The following GOLGA4 variants were observed in gnomAD, a reference collection of about 807,000 sequenced individuals.
GOLGA4 encodes the protein golgin A4.
A neutral mutation model predicts 265.9 loss-of-function variants in GOLGA4; 169 were observed. That is an observed-to-expected ratio of 0.64 (90% CI 0.56 to 0.72). The LOEUF is 0.72. Ranked by LOEUF, GOLGA4 falls within the 30% of genes least tolerant of loss-of-function variation. GOLGA4 has a pLI of 0.00. For synonymous variants in GOLGA4, 923 were observed against 855.8 expected (o/e 1.08, Z -1.37); for missense variants, 2,482 against 2,483.4 (o/e 1.00, Z 0.01).
At chr3:37,349,860 C>T (rs896471650) in intron 21 of GOLGA4, among the ~76,000 whole-genome samples, 11 of 152,134 alleles carry the variant, frequency 7.2e-5, no homozygotes, top group African/African-American at 2.7e-4. Context: ...TGCTTTTGTA[C>T]ACAGTGTTCT....
At chr3:37,266,082 G>C (rs1250985046) in intron 2 of GOLGA4, among the ~76,000 whole-genome samples, 1 of 151,618 alleles carries the variant, frequency 6.6e-6, no homozygotes, top group African/African-American at 2.4e-5. Flanking sequence ...GTTAACTGTA[G>C]GCACTATGCT....
intron 23 of GOLGA4, among the ~76,000 whole-genome samples, chr3:37,362,229 ATTTATTTATTATTT>A (rs1696343556): frequency 2.2e-5 from 1 of 46,384 alleles, no homozygotes; most frequent in Non-Finnish European, 8.6e-5. Flanking sequence ...TTATTTATTT[ATTTATTTATTATTT>A]TTTTTTTTTT....
chr3:37,300,884 T>A (rs192674629), intron 9 of GOLGA4, among the ~76,000 whole-genome samples: 1 of 152,314 alleles, frequency 6.6e-6, no homozygotes, highest in Non-Finnish European at 1.5e-5. Flanking sequence ...GTTTTTTCAT[T>A]GCAATTGGTT....
Position 37,327,167 on chromosome 3 carries a change from G to C in GOLGA4, c.5281G>C (p.Glu1761Gln). The change falls in exon 14 of 24, where the codon GAG becomes CAG. Residue 1761 changes from glutamate (E) to glutamine (Q), a missense_variant. This residue lies in a region of GOLGA4 where 942 missense variants were observed against 983.1 expected (regional missense o/e 0.96). Coordinates refer to ENST00000361924, the MANE Select transcript of GOLGA4 (RefSeq NM_002078.5). ...LLQRVGQEKE[E>Q]TVSSHFEMRC... ...GCAGAGGGTAGGGCAGGAAAAAGAA[G>C]AGACAGTTTCTTCTCATTTTGAAAT... The C allele has an allele frequency of 6.2e-7, 1 of 1,613,850 alleles. No individual in the cohort carries two copies. The highest frequency in any genetic ancestry group is 8.5e-7 in the Non-Finnish European group (1 of 1,179,842).
At position 37,328,455 on chromosome 3, in the gene GOLGA4, A is replaced by G. The variant is rs377735280; in HGVS notation, c.5979A>G (p.Thr1993=). 18 of 1,613,102 alleles carry G rather than the reference A, an allele frequency of 1.1e-5. No individual in the cohort carries two copies. In the African/African-American group the frequency reaches 1.9e-4, roughly 17 times the overall value. The change falls in exon 15 of 24, where the codon ACA becomes ACG. Residue 1993 remains threonine, a synonymous_variant. Transcript: ENST00000361924. ...QEDLELKHNS[T]LKQLMREFNT... is the part of the protein sequence containing the mutation. ...ATCTTGAACTGAAGCACAATTCCACATTAAAACAGCTGATGAGGGAGTTTA... is the reference window on the plus strand; with the variant it reads ...ATCTTGAACTGAAGCACAATTCCACGTTAAAACAGCTGATGAGGGAGTTTA...
intron 2 of GOLGA4, among the ~76,000 whole-genome samples, chr3:37,260,843 A>G (rs1451764452): frequency 6.6e-6 from 1 of 152,146 alleles, no homozygotes; most frequent in East Asian, 1.9e-4. Flanking sequence ...TAGTTTTTCA[A>G]GGAATTTCAA....
intron 10 of GOLGA4, among the ~76,000 whole-genome samples, chr3:37,308,030 T>C (rs1410963954): frequency 1.3e-5 from 2 of 152,012 alleles, no homozygotes; most frequent in African/African-American, 4.8e-5. Flanking sequence ...GGTCAGGAGT[T>C]CAAGACCAGC....
intron 21 of GOLGA4, among the ~76,000 whole-genome samples, chr3:37,349,576 G>A (rs991239890): frequency 1.3e-5 from 2 of 152,090 alleles, no homozygotes; most frequent in Non-Finnish European, 2.9e-5. Flanking sequence ...GAGAATGCAG[G>A]GCCTTGAATG....
At chr3:37,298,730 G>T in intron 7 of GOLGA4, 103 bp from the exon 8 acceptor site, 1 of 751,944 alleles carries the variant, frequency 1.3e-6, no homozygotes, top group South Asian at 2.0e-5. Flanking sequence ...AACCAAGATG[G>T]AGTCGGTTAG....
intron 10 of GOLGA4, among the ~76,000 whole-genome samples, chr3:37,308,714 C>T (rs912072417): frequency 6.6e-6 from 1 of 151,756 alleles, no homozygotes; most frequent in Admixed American, 6.6e-5. Flanking sequence ...CTCCTGGGTT[C>T]AAGCAATTCT....
intron 9 of GOLGA4, 29 bp downstream of exon 9, chr3:37,299,400 A>C (rs746651588): frequency 5.4e-5 from 76 of 1,408,742 alleles, no homozygotes; most frequent in Non-Finnish European, 9.0e-6. Flanking sequence ...TGATACTAAA[A>C]TTTGTCAAGA....
intron 2 of GOLGA4, among the ~76,000 whole-genome samples, chr3:37,254,305 C>G (rs1157588097): frequency 6.6e-6 from 1 of 152,034 alleles, no homozygotes; most frequent in African/African-American, 2.4e-5. Context: ...ACTGTATATA[C>G]TCTGTACTTT....
intron 23 of GOLGA4, among the ~76,000 whole-genome samples, chr3:37,361,749 A>G (rs1417878965): frequency 6.6e-6 from 1 of 152,258 alleles, no homozygotes; most frequent in Non-Finnish European, 1.5e-5. Flanking sequence ...GGCCAGTCAG[A>G]AATAATGAAA....
chr3:37,294,520 G>A (rs1023906197), intron 5 of GOLGA4, among the ~76,000 whole-genome samples: 1 of 151,846 alleles, frequency 6.6e-6, no homozygotes, highest in Non-Finnish European at 1.5e-5. Context: ...AAGTAGCTGG[G>A]ACCACAGATG....
chr3:37,341,035 C>T (rs1322809446), intron 20 of GOLGA4, among the ~76,000 whole-genome samples: 1 of 152,078 alleles, frequency 6.6e-6, no homozygotes, highest in African/African-American at 2.4e-5. Context: ...GGCATGGTGG[C>T]ATGCGCCTGT....
chr3:37,243,524 C>T lies in GOLGA4; in HGVS notation c.-27C>T. On this transcript the variant is annotated 5_prime_UTR_variant, in exon 1 of 24. Coordinates refer to ENST00000361924, the MANE Select transcript of GOLGA4 (RefSeq NM_002078.5). ...GCTCTCGCCCTTCAGGTTTCGTTGACACTCAGGACCGTACGTACGCTGCGC... is the reference window on the plus strand; with the variant it reads ...GCTCTCGCCCTTCAGGTTTCGTTGATACTCAGGACCGTACGTACGCTGCGC... 3 of 1,609,160 alleles carry T rather than the reference C, an allele frequency of 1.9e-6. No individual in the cohort carries two copies. Among genetic ancestry groups the T allele is most frequent in the South Asian group, 1.1e-5 (1 of 90,974 alleles).
chr3:37,308,224 ACT>A (rs1490002374), intron 10 of GOLGA4, among the ~76,000 whole-genome samples: 47 of 150,770 alleles, frequency 3.1e-4, no homozygotes, highest in African/African-American at 1.0e-3. Context: ...CAAGAACGAA[ACT>A]CTGTCTCAAA....
At position 37,298,100 on chromosome 3, in the gene GOLGA4, C is replaced by T. The variant is rs186170760; in HGVS notation, c.815-733C>T. 2.6e-4 allele frequency among the ~76,000 whole-genome samples: 40 copies of T among 152,172 alleles called. 1 individual carries two copies. In the East Asian group the frequency reaches 3.1e-3, roughly 12 times the overall value. On this transcript the variant is annotated intron_variant, in intron 7 of 23. Transcript: ENST00000361924. ...CTGGAAGTGTCCTTATATTTGTAAC[C>T]GCCCAAAGGGTTCACCTTGCCCACT...
At chr3:37,280,861 ATAT>A (rs1257557597) in intron 2 of GOLGA4, among the ~76,000 whole-genome samples, 3 of 152,110 alleles carry the variant, frequency 2.0e-5, no homozygotes, top group Admixed American at 1.3e-4. Context: ...GGTATGGGAC[ATAT>A]TATCTCCTCT....
Sources: gnomAD v4.1 joint callset for allele counts (sites outside exome capture counted in the v4.1 genomes callset) on GRCh38, gnomAD v4.1.1 for gene constraint, gnomAD v4.1.1 regional missense constraint, MANE v1.5 for transcripts, NCBI Gene and HGNC (gene_info 2026-07-23, HGNC 2026-07-21) for gene names.